SCFD1: variants seen among roughly 807,000 people sequenced by gnomAD.
The protein encoded by SCFD1 is sec1 family domain-containing protein 1.
In SCFD1, 37 loss-of-function variants were observed where a neutral mutation model predicts 103.2. The ratio of observed to expected loss-of-function variants is 0.36; its 90% confidence interval spans 0.28 to 0.47. The LOEUF (loss-of-function observed/expected upper bound fraction) is 0.47, where lower values mean the gene tolerates loss of function less well. SCFD1 is among the 20% of genes least tolerant of loss of function. The pLI is 1.00. For synonymous variants in SCFD1, 264 were observed against 245.0 expected, an observed-to-expected ratio of 1.08 and a Z score of -0.73; for missense variants, 639 against 761.2, an observed-to-expected ratio of 0.84 and a Z score of 1.89.
At chr14:30,716,255 G>A (rs939539342) in intron 20 of SCFD1, among the ~76,000 whole-genome samples, 1 of 152,062 alleles carries the variant, frequency 6.6e-6, no homozygotes, top group African/African-American at 2.4e-5. Flanking sequence ...TATATCCTAA[G>A]GAACAAATTT....
In SCFD1 at chr14:30,675,000, C is replaced by G; in HGVS notation, c.1177C>G (p.Leu393Val). 1 of 1,579,998 alleles carries G rather than the reference C, an allele frequency of 6.3e-7. No individual in the cohort carries two copies. The highest frequency in any genetic ancestry group is 8.6e-7 in the Non-Finnish European group (1 of 1,165,026). Residue 393 changes from leucine to valine, a missense_variant, in exon 14 of 25, where the codon CTT becomes GTT. By Grantham distance (32) the Leu-to-Val change is conservative (BLOSUM62 1). Coordinates refer to ENST00000458591, the MANE Select transcript of SCFD1 (RefSeq NM_016106.4). ...TACTTGCAGTTCTTTGCCAGAACTC[C>G]TTGAGAAAAAAAGACTTATTGATCT... ...TSAVSSLPEL[L>V]EKKRLIDLHT... is the part of the protein sequence containing the mutation.
At chr14:30,703,118 G>A (rs1300105834) in intron 17 of SCFD1, among the ~76,000 whole-genome samples, 3 of 151,108 alleles carry the variant, frequency 2.0e-5, no homozygotes, top group Admixed American at 6.6e-5. Flanking sequence ...TCCTAATAGC[G>A]AGCATGATAA....
intron 19 of SCFD1, among the ~76,000 whole-genome samples, chr14:30,708,590 CA>C (rs1891645076): frequency 1.3e-5 from 2 of 152,072 alleles, no homozygotes; most frequent in South Asian, 2.1e-4. Context: ...TATTTACCAT[CA>C]GGTTGTTGAA....
At chr14:30,731,756 G>C (rs868538727) in intron 23 of SCFD1, among the ~76,000 whole-genome samples, 1 of 152,208 alleles carries the variant, frequency 6.6e-6, no homozygotes, top group Non-Finnish European at 1.5e-5. Flanking sequence ...ATTTTGGGCT[G>C]AGATAATGGG....
In SCFD1 at chr14:30,653,345, A is replaced by T. The variant is rs1594616018; in HGVS notation, c.756-144A>T. The T allele has an allele frequency of 8.5e-6, 5 of 591,152 alleles. No individual in the cohort carries two copies. In the East Asian group the frequency reaches 1.5e-4, roughly 18 times the overall value. 36.6% of individuals were successfully genotyped at this position (591,152 alleles called of 1,614,324 possible). A position where few individuals can be genotyped will look rare whatever the true frequency, so the allele number is the denominator to read the frequency against. ...TGGTGCTTGCTTCAGCAGCACATAT[A>T]CTAAAAAACAAAGTATTAGGAATTG... On this transcript the variant is annotated intron_variant, in intron 9 of 24. Transcript: ENST00000458591.
intron 14 of SCFD1, among the ~76,000 whole-genome samples, chr14:30,690,552 C>T (rs577310428): frequency 1.0e-4 from 14 of 133,682 alleles, no homozygotes; most frequent in Admixed American, 3.0e-4. Flanking sequence ...GCGCAATATT[C>T]GGGTGGAAGT....
chr14:30,627,049 C>T (rs1300899809), intron 1 of SCFD1, among the ~76,000 whole-genome samples: 1 of 152,096 alleles, frequency 6.6e-6, no homozygotes, highest in African/African-American at 2.4e-5. Context: ...TAACAATCAA[C>T]CAAGTGGATT....
At chr14:30,723,936 A>C (rs1241520002) in intron 23 of SCFD1, among the ~76,000 whole-genome samples, 1 of 151,984 alleles carries the variant, frequency 6.6e-6, no homozygotes, top group Non-Finnish European at 1.5e-5. Context: ...TGCAGGGTTG[A>C]ATGGTATTTC....
At position 30,694,761 on chromosome 14, in the gene SCFD1, A is replaced by G. The variant is rs1185070117; in HGVS notation, c.1243-12A>G. 2 of 1,575,080 alleles carry G rather than the reference A, an allele frequency of 1.3e-6. No homozygotes were observed. Among genetic ancestry groups the G allele is most frequent in the African/African-American group, 1.4e-5 (1 of 72,194 alleles). On this transcript the variant is annotated splice_polypyrimidine_tract_variant and intron_variant, in intron 14 of 24. Transcript: ENST00000458591. Reference sequence around the variant, plus strand: ...CTTAATATATTCTCATCTAATGTTTATTTTGAAACAGGCAAGAAAATTGGA... The same window carrying G: ...CTTAATATATTCTCATCTAATGTTTGTTTTGAAACAGGCAAGAAAATTGGA...
At chr14:30,724,245 G>GTTTTTTTTTTT (rs58612669) in intron 23 of SCFD1, among the ~76,000 whole-genome samples, 3 of 69,682 alleles carry the variant, frequency 4.3e-5, no homozygotes, top group Admixed American at 1.9e-4. Context: ...TTTTTTATGG[G>GTTTTTTTTTTT]TTTTTTTTTT....
At chr14:30,717,793 A>C (rs942078292) in intron 20 of SCFD1, among the ~76,000 whole-genome samples, 7 of 151,408 alleles carry the variant, frequency 4.6e-5, no homozygotes, top group African/African-American at 1.7e-4. Context: ...CTGAGGCAGG[A>C]GAATTGCTTG....
intron 19 of SCFD1, among the ~76,000 whole-genome samples, chr14:30,712,484 A>C (rs903518196): frequency 6.6e-6 from 1 of 152,210 alleles, no homozygotes; most frequent in Non-Finnish European, 1.5e-5. Flanking sequence ...TTATAGAACT[A>C]TATTATATTT....
intron 7 of SCFD1, among the ~76,000 whole-genome samples, chr14:30,644,976 A>G (rs1333091563): frequency 6.6e-6 from 1 of 152,146 alleles, no homozygotes; most frequent in East Asian, 1.9e-4. Flanking sequence ...TCTTACATTT[A>G]AGTCTTTAAT....
chr14:30,622,507 C>T (rs547997964), intron 1 of SCFD1, 108 bp downstream of exon 1: 2 of 1,451,330 alleles, frequency 1.4e-6, no homozygotes, highest in African/African-American at 1.4e-5. Flanking sequence ...TAATCCAGTC[C>T]CTAGAACATC....
chr14:30,677,766 C>T (rs996741617), intron 14 of SCFD1, among the ~76,000 whole-genome samples: 4 of 148,286 alleles, frequency 2.7e-5, no homozygotes, highest in African/African-American at 9.9e-5. Flanking sequence ...CTTCTCTTTT[C>T]ACCAGAATTT....
chr14:30,669,682 A>G (rs950209083), intron 10 of SCFD1: 1 of 152,182 alleles, frequency 6.6e-6, no homozygotes, highest in African/African-American at 2.4e-5. Context: ...TTATTATTAT[A>G]GCATCTATTG....
At chr14:30,667,520 A>G (rs568207371) in intron 10 of SCFD1, among the ~76,000 whole-genome samples, 2 of 152,130 alleles carry the variant, frequency 1.3e-5, no homozygotes, top group Admixed American at 1.3e-4. Context: ...CTCTCTCACC[A>G]CTCTTATTCA....
intron 23 of SCFD1, among the ~76,000 whole-genome samples, chr14:30,723,176 C>A (rs1892773261): frequency 6.6e-6 from 1 of 152,074 alleles, no homozygotes; most frequent in African/African-American, 2.4e-5. Flanking sequence ...AAAGATCATT[C>A]TTTATGTCCT....
chr14:30,631,075 C>T lies in SCFD1; in HGVS notation c.221+510C>T, dbSNP rs184949289. ...CACATAGCCTCCTTTATAATAAAAC[C>T]GGGCACGGTGGCTCACGCCTGTAAT... On this transcript the variant is annotated intron_variant, in intron 3 of 24. Coordinates refer to ENST00000458591, the MANE Select transcript of SCFD1 (RefSeq NM_016106.4). Among the ~76,000 whole-genome samples, 503 of 152,208 alleles carry T rather than the reference C, an allele frequency of 3.3e-3. 6 individuals carry two copies. The highest frequency in any genetic ancestry group is 2.8e-3 in the Non-Finnish European group (190 of 67,980).
Sources: gnomAD v4.1 joint callset for allele counts (sites outside exome capture counted in the v4.1 genomes callset) on GRCh38, gnomAD v4.1.1 for gene constraint, MANE v1.5 for transcripts, NCBI Gene and HGNC (gene_info 2026-07-23, HGNC 2026-07-21) for gene names.